The following XIRP2 variants were observed in gnomAD, a reference collection of about 807,000 sequenced individuals.
XIRP2 encodes xin actin binding repeat containing 2.
Under a neutral mutation model 277.0 loss-of-function variants are expected in XIRP2, and 236 were observed. The observed-to-expected ratio is 0.85, with a 90% confidence interval of 0.77 to 0.95. The LOEUF is 0.95. XIRP2 is among the 40% of genes least tolerant of loss of function. XIRP2 has a pLI of 0.00. For synonymous variants in XIRP2, 1,490 were observed against 1,416.5 expected (o/e 1.05, Z -1.17); for missense variants, 4,640 against 4,157.5 (o/e 1.12, Z -3.19).
chr2:167,195,705 G>T (rs1411267437), intron 3 of XIRP2, among the ~76,000 whole-genome samples: 1 of 152,208 alleles, frequency 6.6e-6, no homozygotes, highest in African/African-American at 2.4e-5. Context: ...ACAAGCCAGT[G>T]AAATGGCGCA....
chr2:167,138,936 G>A (rs1691634382), intron 3 of XIRP2, among the ~76,000 whole-genome samples: 1 of 151,948 alleles, frequency 6.6e-6, no homozygotes, highest in Admixed American at 6.6e-5. Context: ...GCATGATAGT[G>A]GGTGCCTGTA....
chr2:167,172,093 G>GGCC (rs1471005520), intron 3 of XIRP2, among the ~76,000 whole-genome samples: 1 of 152,040 alleles, frequency 6.6e-6, no homozygotes, highest in Non-Finnish European at 1.5e-5. Context: ...CCTAAGTGTT[G>GGCC]GCCGGTCTGA....
rs529482890 is a variant in XIRP2, at chr2:167,107,606, A to G, written c.409-28303A>G. ...TATTAAAAATTATATTTCTTTATAT[A>G]TTGTTAAGAATTTTTATATCTATAT... On this transcript the variant is annotated intron_variant, in intron 2 of 10. Coordinates refer to ENST00000409195, the MANE Select transcript of XIRP2 (RefSeq NM_152381.6). 3.3e-5 allele frequency among the ~76,000 whole-genome samples: 5 copies of G among 151,508 alleles called. No individual in the cohort carries two copies. The South Asian group carries it at 8.3e-4, about 25-fold the overall frequency.
intron 9 of XIRP2, 31 bp downstream of exon 9, chr2:167,251,978 T>C: frequency 2.0e-6 from 3 of 1,519,568 alleles, no homozygotes; most frequent in Middle Eastern, 1.8e-4. Flanking sequence ...TTAAAGAAGA[T>C]TAACCATTTA....
intron 2 of XIRP2, among the ~76,000 whole-genome samples, chr2:166,986,882 A>T (rs1429764500): frequency 2.6e-5 from 4 of 152,242 alleles, no homozygotes; most frequent in Non-Finnish European, 2.9e-5. Context: ...AGGAAGAAGT[A>T]GAATTGTCTA....
chr2:167,249,067 G>C lies in XIRP2; in HGVS notation c.7675G>C (p.Glu2559Gln). Reference sequence around the variant, plus strand: ...ATATAGACAACAAAAAGAAGAAATTGAAAAACAGAAACAGGAGAGTTCTTA... The same window carrying C: ...ATATAGACAACAAAAAGAAGAAATTCAAAAACAGAAACAGGAGAGTTCTTA... ...EKYRQQKEEI[E>Q]KQKQESSYYN... Residue 2559 changes from glutamate to glutamine, a missense_variant, in exon 9 of 11, where the codon GAA (glutamate) becomes CAA (glutamine). Glu to Gln is a conservative substitution (Grantham distance 29, BLOSUM62 2). Transcript: ENST00000409195. 4 of 1,612,084 alleles carry C rather than the reference G, an allele frequency of 2.5e-6. No homozygotes were observed. The highest frequency in any genetic ancestry group is 3.4e-6 in the Non-Finnish European group (4 of 1,179,462).
chr2:167,212,669 ACT>A (rs1694089348), intron 4 of XIRP2, among the ~76,000 whole-genome samples: 1 of 152,006 alleles, frequency 6.6e-6, no homozygotes, highest in Admixed American at 6.6e-5. Flanking sequence ...TAGTCTCTTG[ACT>A]CTTGTGCTCT....
At chr2:167,129,524 C>G (rs1458161317) in intron 2 of XIRP2, among the ~76,000 whole-genome samples, 1 of 152,034 alleles carries the variant, frequency 6.6e-6, no homozygotes, top group Non-Finnish European at 1.5e-5. Context: ...TTCATTCTCA[C>G]ATCTTAAAAA....
intron 3 of XIRP2, among the ~76,000 whole-genome samples, chr2:167,193,720 A>C (rs1191874608): frequency 6.6e-6 from 1 of 151,924 alleles, no homozygotes; most frequent in Admixed American, 6.6e-5. Context: ...TCTACTAAAA[A>C]TACAAAAATT....
intron 5 of XIRP2, among the ~76,000 whole-genome samples, chr2:167,233,680 C>A (rs1694821550): frequency 1.3e-5 from 2 of 151,672 alleles, no homozygotes; most frequent in South Asian, 4.2e-4. Flanking sequence ...CACATGTTAC[C>A]TCTGTTTTTC....
At chr2:166,898,357 C>T (rs527928960) in intron 1 of XIRP2, among the ~76,000 whole-genome samples, 4 of 152,122 alleles carry the variant, frequency 2.6e-5, no homozygotes, top group African/African-American at 4.8e-5. Flanking sequence ...GTGGATCTTG[C>T]AACAGAATGC....
chr2:167,246,296 T>C lies in XIRP2; in HGVS notation c.4904T>C (p.Leu1635Ser). 6.2e-7 allele frequency: 1 copy of C among 1,613,332 alleles called. No individual in the cohort carries two copies. The change falls in exon 9 of 11, where the codon TTG becomes TCG. Residue 1635 changes from leucine (L) to serine (S), a missense_variant. Physicochemically the swap from Leu to Ser is moderately radical, Grantham distance 145. Coordinates refer to ENST00000409195, the MANE Select transcript of XIRP2 (RefSeq NM_152381.6). ...GAAGAAGAGAAGGGAAATGTTAATT[T>C]GACTAAAACTCAATTATTAAACAGA... ...ISEEEKGNVN[L>S]TKTQLLNRST... is the part of the protein sequence containing the mutation.
intron 3 of XIRP2, among the ~76,000 whole-genome samples, chr2:167,196,528 A>G (rs1361180063): frequency 6.6e-6 from 1 of 151,984 alleles, no homozygotes; most frequent in East Asian, 1.9e-4. Context: ...GACACTTTAA[A>G]GAACGACACA....
At chr2:167,009,513 C>T (rs568265346) in intron 2 of XIRP2, among the ~76,000 whole-genome samples, 4 of 151,904 alleles carry the variant, frequency 2.6e-5, no homozygotes, top group African/African-American at 9.7e-5. Flanking sequence ...TGAATAGTGC[C>T]GCAACAAACA....
intron 1 of XIRP2, 113 bp from the exon 2 acceptor site, chr2:166,903,352 A>G: frequency 9.7e-7 from 1 of 1,030,458 alleles, no homozygotes; most frequent in Admixed American, 2.8e-5. Flanking sequence ...GGAAAGCTGG[A>G]TTTCTTTACT....
At chr2:166,955,200 G>A (rs1375476650) in intron 2 of XIRP2, among the ~76,000 whole-genome samples, 1 of 151,858 alleles carries the variant, frequency 6.6e-6, no homozygotes, top group Non-Finnish European at 1.5e-5. Context: ...ACAAAATGCA[G>A]TATGTCTATT....
At chr2:167,074,535 T>C (rs1168674208) in intron 2 of XIRP2, among the ~76,000 whole-genome samples, 1 of 152,160 alleles carries the variant, frequency 6.6e-6, no homozygotes, top group African/African-American at 2.4e-5. Context: ...CAATGGAACA[T>C]ATTATTGAAA....
intron 2 of XIRP2, among the ~76,000 whole-genome samples, chr2:167,096,099 T>C (rs1022973843): frequency 6.6e-6 from 1 of 151,580 alleles, no homozygotes; most frequent in South Asian, 2.1e-4. Flanking sequence ...TTTTTTATTA[T>C]TGGGAATGGT....
In XIRP2 at chr2:167,246,097, GGAATCATCATT is replaced by G; in HGVS notation, c.4709_4719del (p.Ile1570SerfsTer2). 1.2e-6 allele frequency: 2 copies of G among 1,613,568 alleles called. No homozygotes were observed. The highest frequency in any genetic ancestry group is 1.7e-6 in the Non-Finnish European group (2 of 1,179,752). ...CTCTCAAAAAGTTATCCAGGCTCCT[GGAATCATCATT>G]GAAGCTGATGAAATAGGGGATGTTC... On this transcript the variant is annotated frameshift_variant, in exon 9 of 11. Transcript: ENST00000409195. LOFTEE classifies it high-confidence loss of function.
Sources: gnomAD v4.1 joint callset for allele counts (sites outside exome capture counted in the v4.1 genomes callset) on GRCh38, gnomAD v4.1.1 for gene constraint, MANE v1.5 for transcripts, NCBI Gene and HGNC (gene_info 2026-07-23, HGNC 2026-07-21) for gene names.